Variants in SH3PXD2A observed in about 807,000 individuals in gnomAD.
SH3PXD2A encodes SH3 and PX domains 2A, also known as SH3 and PX domain-containing protein 2A.
In SH3PXD2A, 32 loss-of-function variants were observed where a neutral mutation model predicts 115.2. The observed-to-expected ratio is 0.28, with a 90% CI of 0.21 to 0.37. SH3PXD2A has a LOEUF of 0.37. SH3PXD2A is among the 10% of genes least tolerant of loss of function. The pLI, the probability that SH3PXD2A is intolerant of heterozygous loss-of-function variation, is 1.00. For synonymous variants in SH3PXD2A, 610 were observed against 629.1 expected, an observed-to-expected ratio of 0.97 and a Z score of 0.45; for missense variants, 1,328 against 1,498.7, an observed-to-expected ratio of 0.89 and a Z score of 1.88.
chr10:103,730,236 T>G (rs73334743), intron 4 of SH3PXD2A, among the ~76,000 whole-genome samples: 2 of 101,988 alleles, frequency 2.0e-5, no homozygotes, highest in Non-Finnish European at 3.9e-5. Context: ...TCGTTTCTTT[T>G]TTTTTTTTTT....
chr10:103,770,781 A>T (rs1208590449), intron 2 of SH3PXD2A, among the ~76,000 whole-genome samples: 1 of 152,116 alleles, frequency 6.6e-6, no homozygotes, highest in Non-Finnish European at 1.5e-5. Context: ...TATTGCTGCC[A>T]TAGTGTATTT....
intron 13 of SH3PXD2A, among the ~76,000 whole-genome samples, chr10:103,606,793 A>G (rs2036316196): frequency 6.6e-6 from 1 of 152,202 alleles, no homozygotes; most frequent in Non-Finnish European, 1.5e-5. Context: ...TCGTTCACTC[A>G]GTGCTCAATG....
intron 5 of SH3PXD2A, among the ~76,000 whole-genome samples, chr10:103,705,539 C>T (rs534797084): frequency 3.3e-4 from 50 of 152,298 alleles, no homozygotes; most frequent in African/African-American, 1.2e-3. Context: ...CCCTTACTAT[C>T]CCCATTTTAC....
At chr10:103,657,815 A>C (rs951798399) in intron 8 of SH3PXD2A, among the ~76,000 whole-genome samples, 1 of 152,202 alleles carries the variant, frequency 6.6e-6, no homozygotes, top group African/African-American at 2.4e-5. Context: ...ATGCAGAGAC[A>C]ACCTTCCCCA....
intron 5 of SH3PXD2A, among the ~76,000 whole-genome samples, chr10:103,694,717 A>G (rs570176717): frequency 2.0e-5 from 3 of 152,350 alleles, no homozygotes; most frequent in East Asian, 1.9e-4. Context: ...AGGTTGCCCA[A>G]TCTGGGGAAG....
At chr10:103,788,868 C>G (rs1196005978) in intron 2 of SH3PXD2A, among the ~76,000 whole-genome samples, 1 of 151,958 alleles carries the variant, frequency 6.6e-6, no homozygotes, top group Non-Finnish European at 1.5e-5. Flanking sequence ...GGCATCAGAG[C>G]AAGACTCTGC....
intron 4 of SH3PXD2A, among the ~76,000 whole-genome samples, 200 bp from the exon 5 acceptor site, chr10:103,724,561 C>T (rs760476190): frequency 6.6e-6 from 1 of 151,542 alleles, no homozygotes; most frequent in African/African-American, 2.4e-5. Flanking sequence ...AAACAACCAA[C>T]CTTCCTTCCT....
At chr10:103,639,466 T>C (rs1174527735) in intron 8 of SH3PXD2A, among the ~76,000 whole-genome samples, 2 of 151,576 alleles carry the variant, frequency 1.3e-5, no homozygotes, top group African/African-American at 4.8e-5. Flanking sequence ...AAAAGTTAGC[T>C]GGGCATGGTG....
At chr10:103,801,156 C>G (rs2039142983) in intron 2 of SH3PXD2A, 126 bp downstream of exon 2, 1 of 639,896 alleles carries the variant, frequency 1.6e-6, no homozygotes, top group South Asian at 1.9e-5. Flanking sequence ...CCTCCTCTGT[C>G]CCTCTGCTCC....
At chr10:103,618,767 C>T (rs1187045774) in intron 10 of SH3PXD2A, among the ~76,000 whole-genome samples, 3 of 152,202 alleles carry the variant, frequency 2.0e-5, no homozygotes, top group Non-Finnish European at 2.9e-5. Flanking sequence ...TCCTGGCTCC[C>T]AGCTGTGACA....
chr10:103,650,176 AGCG>A (rs1470128731), intron 8 of SH3PXD2A, among the ~76,000 whole-genome samples: 23 of 49,614 alleles, frequency 4.6e-4, no homozygotes, highest in East Asian at 3.8e-3. Flanking sequence ...GCAGCTCAGC[AGCG>A]GCAGCAGCTC....
At position 103,762,014 on chromosome 10, in the gene SH3PXD2A, CTTTTTTTTTT is replaced by C. The variant is rs79615908; in HGVS notation, c.229+5070_229+5079del. On this transcript the variant is annotated intron_variant, in intron 3 of 14. Transcript: ENST00000369774. ...CACACACTAGGAGCAATCAACACGT[CTTTTTTTTTT>C]TTTTTTTTTTTTTTTTGATACAGAG... 8.3e-4 allele frequency among the ~76,000 whole-genome samples: 75 copies of C among 90,704 alleles called. 1 individual carries two copies. Among genetic ancestry groups the C allele is most frequent in the African/African-American group, 2.8e-3 (69 of 24,402 alleles). 59.5% of individuals were successfully genotyped at this position (90,704 alleles called of 152,430 possible).
At chr10:103,612,181 C>T (rs1373898594) in intron 12 of SH3PXD2A, among the ~76,000 whole-genome samples, 1 of 152,200 alleles carries the variant, frequency 6.6e-6, no homozygotes, top group Non-Finnish European at 1.5e-5. Context: ...AAGTTTTAAG[C>T]CTCAACAAAA....
intron 1 of SH3PXD2A, among the ~76,000 whole-genome samples, chr10:103,845,173 A>T (rs10748852): frequency 0.99 from 148,701 of 149,634 alleles, 73,898 homozygotes; most frequent in Middle Eastern, 1. Context: ...AAAAAAAAAA[A>T]ACAAAAAATT....
intron 8 of SH3PXD2A, among the ~76,000 whole-genome samples, chr10:103,629,869 C>G (rs973791035): frequency 2.0e-5 from 3 of 152,348 alleles, no homozygotes; most frequent in African/African-American, 7.2e-5. Flanking sequence ...CTAGGCCTGT[C>G]CCCCTGGGGA....
chr10:103,742,227 C>T (rs922133792), intron 3 of SH3PXD2A, among the ~76,000 whole-genome samples: 1 of 152,164 alleles, frequency 6.6e-6, no homozygotes, highest in Non-Finnish European at 1.5e-5. Context: ...AGCAGGGTCA[C>T]GCTCCCTCTG....
chr10:103,642,232 G>A (rs555509571), intron 8 of SH3PXD2A, among the ~76,000 whole-genome samples: 18 of 151,524 alleles, frequency 1.2e-4, no homozygotes, highest in Non-Finnish European at 2.1e-4. Context: ...AGGACCACTG[G>A]CTCCAACCAG....
chr10:103,718,151 G>T (rs574089754), intron 5 of SH3PXD2A, among the ~76,000 whole-genome samples: 2 of 151,966 alleles, frequency 1.3e-5, no homozygotes, highest in Non-Finnish European at 2.9e-5. Context: ...GACCACAGGC[G>T]TGTGCCACCA....
At chr10:103,684,894 T>A (rs1479501909) in intron 6 of SH3PXD2A, among the ~76,000 whole-genome samples, 4 of 151,768 alleles carry the variant, frequency 2.6e-5, no homozygotes, top group African/African-American at 7.3e-5. Flanking sequence ...GTGGTGCATG[T>A]CTGTAGTCCC....
Sources: allele counts gnomAD v4.1 joint callset (sites outside exome capture counted in the v4.1 genomes callset), GRCh38; gene constraint gnomAD v4.1.1; transcripts MANE v1.5; gene names NCBI Gene and HGNC (gene_info 2026-07-23, HGNC 2026-07-21).